Variants in GSE1 observed in about 807,000 individuals in gnomAD.
GSE1 encodes the protein genetic suppressor element 1.
Under a neutral mutation model 112.6 loss-of-function variants are expected in GSE1, and 32 were observed. That is an observed-to-expected ratio of 0.28 (90% CI 0.21 to 0.38). The LOEUF is 0.38. Among genes scored for constraint, GSE1 ranks in the 10% least tolerant of loss-of-function variants. The probability of loss-of-function intolerance (pLI) is 1.00; values close to 1 mark genes in which losing one functional copy is unlikely to be tolerated. For synonymous variants in GSE1, 1,115 were observed against 735.6 expected (o/e 1.52, Z -8.35); for missense variants, 2,348 against 1,699.2 (o/e 1.38, Z -6.71).
At chr16:85,637,533 C>T (rs980574005) in intron 2 of GSE1, among the ~76,000 whole-genome samples, 5 of 151,362 alleles carry the variant, frequency 3.3e-5, no homozygotes, top group Admixed American at 1.3e-4. Flanking sequence ...TGTATTGAGT[C>T]CCCCCTTGAT....
chr16:85,437,347 C>T (rs1010134414), intron 2 of GSE1, among the ~76,000 whole-genome samples: 6 of 152,180 alleles, frequency 3.9e-5, no homozygotes, highest in Admixed American at 2.0e-4. Context: ...AAGAACTGGC[C>T]TCCTGGAAGG....
At position 85,648,607 on chromosome 16, in the gene GSE1, C is replaced by T. The variant is rs1441501882; in HGVS notation, c.282C>T (p.Ser94=). ...SPVSSPATNH[S]SPASTPKRVP... ...TGTCCTCTCCGGCCACCAACCACAG[C>T]TCCCCCGCCAGCACACCCAAGCGCG... Residue 94 remains serine, a synonymous_variant, in exon 3 of 16, where the codon AGC becomes AGT. Transcript: ENST00000253458. The T allele has an allele frequency of 6.2e-7, 1 of 1,605,762 alleles. No individual in the cohort carries two copies. Among genetic ancestry groups the T allele is most frequent in the Admixed American group, 1.7e-5 (1 of 59,214 alleles).
chr16:85,654,806 C>G lies in GSE1; in HGVS notation c.612C>G (p.Pro204=). ...SRFPPLNLQR[P]VHHVVPPSTV... is the part of the protein sequence containing the mutation. ...TCCCCGCCTGCAGCCTCCAGCGGCC[C>G]GTGCACCACGTGGTGCCCCCCAGTA... Residue 204 remains proline, a synonymous_variant, in exon 5 of 16, where the codon CCC becomes CCG. Transcript: ENST00000253458. The G allele has an allele frequency of 3.7e-6, 6 of 1,609,986 alleles. No homozygotes were observed. Among genetic ancestry groups the G allele is most frequent in the Non-Finnish European group, 5.1e-6 (6 of 1,178,130 alleles).
At chr16:85,648,867 C>G in intron 3 of GSE1, 116 bp downstream of exon 3, 2 of 555,814 alleles carry the variant, frequency 3.6e-6, no homozygotes, top group Non-Finnish European at 6.1e-6. Flanking sequence ...CACCCCCTCC[C>G]CCACCCTGAG....
At chr16:85,211,204 T>C (rs1393407139) in intron 1 of GSE1, among the ~76,000 whole-genome samples, 1 of 152,120 alleles carries the variant, frequency 6.6e-6, no homozygotes, top group Non-Finnish European at 1.5e-5. Context: ...GCCTCACTTC[T>C]AGGGGGGTAC....
intron 8 of GSE1, among the ~76,000 whole-genome samples, chr16:85,660,189 G>A (rs889658573): frequency 1.7e-4 from 26 of 152,222 alleles, no homozygotes; most frequent in South Asian, 2.1e-4. Flanking sequence ...TGGAAAGTGC[G>A]GATGAGCGCT....
At chr16:85,319,632 G>C (rs987001251) in intron 1 of GSE1, among the ~76,000 whole-genome samples, 1 of 152,226 alleles carries the variant, frequency 6.6e-6, no homozygotes, top group Non-Finnish European at 1.5e-5. Context: ...ACCCAGAACA[G>C]GGCCCATAGG....
In GSE1 at chr16:85,204,090, C is replaced by A. The variant is rs557471789; in HGVS notation, c.2283+32283C>A. On this transcript the variant is annotated intron_variant, in intron 1 of 2. Transcript: ENST00000637419. ...TGGCCAATTTCCCAAAACTTTAACCCCTAAAGGATACCCATACCTGTTAAG... is the reference window on the plus strand; with the variant it reads ...TGGCCAATTTCCCAAAACTTTAACCACTAAAGGATACCCATACCTGTTAAG... Among the ~76,000 whole-genome samples the A allele has an allele frequency of 3.9e-4, 59 of 152,314 alleles. 1 individual carries two copies. In the South Asian group the frequency reaches 0.012, roughly 32 times the overall value.
In GSE1 at chr16:85,331,704, TA is replaced by T. The variant is rs1373585693; in HGVS notation, c.2284-25758del. Among the ~76,000 whole-genome samples, 269 of 35,886 alleles carry T rather than the reference TA, an allele frequency of 7.5e-3. 10 individuals carry two copies. The highest frequency in any genetic ancestry group is 0.023 in the Middle Eastern group (1 of 44). The allele number at this position is 35,886 out of a possible 152,430, so 23.5% of individuals were successfully genotyped here. On this transcript the variant is annotated intron_variant, in intron 1 of 2. Coordinates refer to the GSE1 transcript ENST00000637419. ...GTGTGTGTATATATATATATATATATATATTTTTTTTTTTTTTTTTTTTAGT... is the reference window on the plus strand; with the variant it reads ...GTGTGTGTATATATATATATATATATTATTTTTTTTTTTTTTTTTTTTAGT...
At chr16:85,430,230 G>T (rs938455801) in intron 2 of GSE1, among the ~76,000 whole-genome samples, 3 of 152,194 alleles carry the variant, frequency 2.0e-5, no homozygotes, top group African/African-American at 7.2e-5. Context: ...GACAGAAGAG[G>T]AAACAGATAG....
intron 2 of GSE1, among the ~76,000 whole-genome samples, chr16:85,381,480 G>C (rs1450418409): frequency 6.6e-6 from 1 of 152,158 alleles, no homozygotes; most frequent in Non-Finnish European, 1.5e-5. Context: ...CTCCACAGAG[G>C]GGATCTGATA....
intron 1 of GSE1, among the ~76,000 whole-genome samples, chr16:85,173,734 T>A (rs1326764857): frequency 6.6e-6 from 1 of 152,180 alleles, no homozygotes; most frequent in African/African-American, 2.4e-5. Flanking sequence ...CGGCCTTGAC[T>A]GATAAGAACG....
Position 85,308,322 on chromosome 16 carries a change from G to A in GSE1, c.2284-49141G>A, listed in dbSNP as rs141787244. Among the ~76,000 whole-genome samples, 372 of 152,246 alleles carry A rather than the reference G, an allele frequency of 2.4e-3. 4 individuals are homozygous for A. Among genetic ancestry groups the A allele is most frequent in the African/African-American group, 8.2e-3 (341 of 41,546 alleles). On this transcript the variant is annotated intron_variant, in intron 1 of 2. Coordinates refer to the GSE1 transcript ENST00000637419. The stretch of plus-strand genomic sequence containing the variant: ...CACCGAGTCCAGCCTCCGGGAGGAC[G>A]CTGAGGGAACCTTTTGGGACAGCCA...
intron 1 of GSE1, among the ~76,000 whole-genome samples, chr16:85,615,206 A>G (rs2048297148): frequency 6.6e-6 from 1 of 152,146 alleles, no homozygotes; most frequent in African/African-American, 2.4e-5. Context: ...CTCAGCCGCC[A>G]CGCCACAGGT....
At chr16:85,521,009 G>C (rs1321675806) in intron 2 of GSE1, among the ~76,000 whole-genome samples, 2 of 152,200 alleles carry the variant, frequency 1.3e-5, no homozygotes, top group Non-Finnish European at 2.9e-5. Flanking sequence ...GAAAGTCTCA[G>C]CCGGGGTTGA....
At chr16:85,647,345 C>T (rs1374665921) in intron 2 of GSE1, among the ~76,000 whole-genome samples, 4 of 152,330 alleles carry the variant, frequency 2.6e-5, no homozygotes, top group Non-Finnish European at 4.4e-5. Flanking sequence ...TCTGAGGCGA[C>T]GGGCGAGTTC....
intron 1 of GSE1, among the ~76,000 whole-genome samples, chr16:85,347,125 G>C (rs868471492): frequency 6.6e-6 from 1 of 152,138 alleles, no homozygotes. Flanking sequence ...GGCTGGCAGG[G>C]CTGTACACCC....
At chr16:85,423,655 G>C (rs1240448233) in intron 2 of GSE1, among the ~76,000 whole-genome samples, 2 of 152,102 alleles carry the variant, frequency 1.3e-5, no homozygotes, top group East Asian at 1.9e-4. Context: ...GGTGGGTGGG[G>C]TGTGGCCTGG....
intron 2 of GSE1, among the ~76,000 whole-genome samples, chr16:85,431,032 C>G (rs2049107992): frequency 6.6e-6 from 1 of 152,060 alleles, no homozygotes; most frequent in East Asian, 1.9e-4. Flanking sequence ...TAAAGCTCCC[C>G]AAGTGATTTT....
Sources: gnomAD v4.1 joint callset for allele counts (sites outside exome capture counted in the v4.1 genomes callset) on GRCh38, gnomAD v4.1.1 for gene constraint, MANE v1.5 for transcripts, NCBI Gene and HGNC (gene_info 2026-07-23, HGNC 2026-07-21) for gene names.